Variants in ANKS1B observed in about 807,000 individuals in gnomAD.
The protein encoded by ANKS1B is ankyrin repeat and sterile alpha motif domain-containing protein 1B.
A neutral mutation model predicts 148.3 loss-of-function variants in ANKS1B; 36 were observed. The ratio of observed to expected loss-of-function variants is 0.24; its 90% CI spans 0.19 to 0.32. The LOEUF (loss-of-function observed/expected upper bound fraction) is 0.32. Among genes scored for constraint, ANKS1B ranks in the 10% least tolerant of loss-of-function variants. ANKS1B has a pLI of 1.00. For synonymous variants in ANKS1B, 542 were observed against 560.8 expected (o/e 0.97, Z 0.47); for missense variants, 1,157 against 1,542.6 (o/e 0.75, Z 4.19).
chr12:98,838,658 A>C (rs1014090205), intron 17 of ANKS1B, among the ~76,000 whole-genome samples: 1 of 152,120 alleles, frequency 6.6e-6, no homozygotes, highest in Admixed American at 6.5e-5. Context: ...ACTCCCTTCC[A>C]TTTTAGGGGG....
At chr12:99,351,284 C>CCA (rs2091390553) in intron 12 of ANKS1B, among the ~76,000 whole-genome samples, 1 of 151,932 alleles carries the variant, frequency 6.6e-6, no homozygotes, top group Non-Finnish European at 1.5e-5. Context: ...AGGCCAAGGC[C>CCA]CACTAAACTA....
At chr12:99,958,635 T>C (rs2095359312) in intron 1 of ANKS1B, among the ~76,000 whole-genome samples, 1 of 152,192 alleles carries the variant, frequency 6.6e-6, no homozygotes, top group Non-Finnish European at 1.5e-5. Flanking sequence ...TCCACCCACC[T>C]CAGCCTCCCA....
Position 99,084,940 on chromosome 12 carries a change from G to T in ANKS1B, c.2610C>A (p.Ile870=). Residue 870 remains isoleucine (I), a synonymous_variant, in exon 16 of 27, where the codon ATC becomes ATA. Transcript: ENST00000683438. ...SGHRQRILQA[I]QLLPKMRPIG... is the part of the protein sequence containing the mutation. ...TATTGCTCACCTTTGGAAGGAGCTG[G>T]ATTGCCTGTAGAATTCTTTGTCTGT... is the stretch of plus-strand genomic sequence containing the variant. The T allele has an allele frequency of 6.2e-7, 1 of 1,609,508 alleles. No homozygotes were observed. Among genetic ancestry groups the T allele is most frequent in the Non-Finnish European group, 8.5e-7 (1 of 1,177,898 alleles).
At chr12:99,929,734 A>T (rs7309781) in intron 1 of ANKS1B, among the ~76,000 whole-genome samples, 3 of 151,852 alleles carry the variant, frequency 2.0e-5, no homozygotes, top group Non-Finnish European at 4.4e-5. Flanking sequence ...AGTTTTCCCA[A>T]CACCATTTAT....
chr12:98,940,627 G>A (rs995260913), intron 17 of ANKS1B, among the ~76,000 whole-genome samples: 31 of 152,168 alleles, frequency 2.0e-4, no homozygotes, highest in African/African-American at 7.5e-4. Flanking sequence ...TAAGCTTCAT[G>A]AGAGCAGAGA....
rs10526476 is a variant in ANKS1B, at chr12:99,333,854, G to GTTTTTTTTTTTTTTTTTTTTTT, written c.1756+65776_1756+65777insAAAAAAAAAAAAAAAAAAAAAA. 2.7e-4 allele frequency among the ~76,000 whole-genome samples: 29 copies of GTTTTTTTTTTTTTTTTTTTTTT among 107,450 alleles called. 3 individuals are homozygous for GTTTTTTTTTTTTTTTTTTTTTT. The highest frequency in any genetic ancestry group is 6.4e-4 in the African/African-American group (16 of 25,096). The allele number at this position is 107,450 out of a possible 152,430, so 70.5% of individuals were successfully genotyped here. On this transcript the variant is annotated intron_variant, in intron 12 of 26. Coordinates refer to ENST00000683438, the MANE Select transcript of ANKS1B (RefSeq NM_001352186.2). ...ATCAAAGTCACATTTCCAGTTCTCAGTTTTTTTTTTTTTTTTTTTTTAACA... is the reference window on the plus strand; with the variant it reads ...ATCAAAGTCACATTTCCAGTTCTCAGTTTTTTTTTTTTTTTTTTTTTTTTTTTTTTTTTTTTTTTTTTTAACA...
chr12:99,288,385 C>T (rs998617217), intron 12 of ANKS1B, among the ~76,000 whole-genome samples: 1 of 152,072 alleles, frequency 6.6e-6, no homozygotes, highest in African/African-American at 2.4e-5. Flanking sequence ...ATTTAACCAA[C>T]ATCATATCTG....
At chr12:99,126,835 T>C (rs2064518046) in intron 15 of ANKS1B, among the ~76,000 whole-genome samples, 1 of 152,176 alleles carries the variant, frequency 6.6e-6, no homozygotes, top group African/African-American at 2.4e-5. Flanking sequence ...TTCTTATCGA[T>C]TAAGAGTCTA....
At chr12:99,753,343 G>A (rs746744979) in intron 8 of ANKS1B, among the ~76,000 whole-genome samples, 6 of 152,058 alleles carry the variant, frequency 3.9e-5, no homozygotes, top group African/African-American at 4.8e-5. Flanking sequence ...AATAACAAAG[G>A]AATAAGCTAT....
In ANKS1B at chr12:99,471,291, A is replaced by G. The variant is rs1319091334; in HGVS notation, c.1439-27482T>C. ...AAGGACATTTTTGTTGTTGTTAACA[A>G]AATATTGCTTAAATACTTGTTATAC... is the stretch of plus-strand genomic sequence containing the variant. On this transcript the variant is annotated intron_variant, in intron 10 of 26. Coordinates refer to ENST00000683438, the MANE Select transcript of ANKS1B (RefSeq NM_001352186.2). Among the ~76,000 whole-genome samples, 3 of 152,064 alleles carry G rather than the reference A, an allele frequency of 2.0e-5. No homozygotes were observed. The East Asian group carries it at 5.8e-4, about 29-fold the overall frequency.
chr12:99,570,564 G>T (rs921278453), intron 9 of ANKS1B, among the ~76,000 whole-genome samples: 1 of 151,470 alleles, frequency 6.6e-6, no homozygotes, highest in Non-Finnish European at 1.5e-5. Context: ...GGAAAATGGC[G>T]TGAACCCAGG....
intron 1 of ANKS1B, among the ~76,000 whole-genome samples, chr12:99,932,373 T>C (rs903372815): frequency 6.6e-6 from 1 of 152,204 alleles, no homozygotes; most frequent in African/African-American, 2.4e-5. Context: ...GTGGCTCTAC[T>C]AATTTACATT....
chr12:98,907,176 A>G (rs2099780447), intron 17 of ANKS1B, among the ~76,000 whole-genome samples: 1 of 152,132 alleles, frequency 6.6e-6, no homozygotes, highest in Non-Finnish European at 1.5e-5. Context: ...GCAAGTTTGT[A>G]CCCTTTGTCC....
chr12:99,182,768 G>A (rs759724893), intron 14 of ANKS1B, among the ~76,000 whole-genome samples: 3 of 151,730 alleles, frequency 2.0e-5, no homozygotes, highest in African/African-American at 7.3e-5. Flanking sequence ...TCTAATTTAC[G>A]TTCCTACTAA....
intron 17 of ANKS1B, chr12:98,894,818 C>T (rs2099760722): frequency 3.1e-6 from 3 of 983,372 alleles, no homozygotes; most frequent in South Asian, 4.7e-5. Flanking sequence ...GGGAGAGGCG[C>T]GGAGCTTGGC....
chr12:99,597,749 T>A (rs547628283), intron 9 of ANKS1B, among the ~76,000 whole-genome samples: 1 of 152,166 alleles, frequency 6.6e-6, no homozygotes, highest in African/African-American at 2.4e-5. Context: ...AAATATCAAA[T>A]GGACTTTCAA....
chr12:99,786,488 G>A (rs889219871), intron 4 of ANKS1B, among the ~76,000 whole-genome samples: 8 of 152,116 alleles, frequency 5.3e-5, no homozygotes, highest in Non-Finnish European at 1.2e-4. Context: ...CATCCTCAGT[G>A]AAAATTAAAA....
chr12:99,645,216 G>C (rs1264553817), intron 9 of ANKS1B, among the ~76,000 whole-genome samples: 1 of 152,196 alleles, frequency 6.6e-6, no homozygotes, highest in Non-Finnish European at 1.5e-5. Context: ...TAACACCGCT[G>C]ATTGCCTATC....
chr12:99,774,064 G>A (rs2063435623), intron 7 of ANKS1B, among the ~76,000 whole-genome samples: 1 of 152,038 alleles, frequency 6.6e-6, no homozygotes, highest in African/African-American at 2.4e-5. Context: ...AGAAAACATA[G>A]GGAAAAAACT....
Sources: gnomAD v4.1 joint callset for allele counts (sites outside exome capture counted in the v4.1 genomes callset) on GRCh38, gnomAD v4.1.1 for gene constraint, MANE v1.5 for transcripts, NCBI Gene and HGNC (gene_info 2026-07-23, HGNC 2026-07-21) for gene names.